PTRH2: variants seen among roughly 807,000 people sequenced by gnomAD.
PTRH2 encodes peptidyl-tRNA hydrolase 2, also known as peptidyl-tRNA hydrolase 2, mitochondrial.
PTRH2 carries 10 observed loss-of-function variants against 12.3 expected under a neutral mutation model. That is an observed-to-expected ratio of 0.81 (90% CI 0.50 to 1.38). The LOEUF (loss-of-function observed/expected upper bound fraction) is 1.38. PTRH2 is among the 40% of genes most tolerant of loss of function. The pLI is 0.00. For missense variants in PTRH2, 176 were observed against 214.1 expected, an observed-to-expected ratio of 0.82 and a Z score of 1.11; for synonymous variants, 73 against 77.4, an observed-to-expected ratio of 0.94 and a Z score of 0.30.
chr17:59,697,416 G>A lies in PTRH2; in HGVS notation c.*23C>T. On this transcript the variant is annotated 3_prime_UTR_variant, in exon 2 of 2. Transcript: ENST00000393038. ...GGCTTCAAACACTTGTGATGGAGGG[G>A]TTGTTGTCATATCAAAGTCCACCTA... 2.5e-6 allele frequency: 4 copies of A among 1,587,054 alleles called. No individual in the cohort carries two copies. Among genetic ancestry groups the A allele is most frequent in the Non-Finnish European group, 3.4e-6 (4 of 1,162,734 alleles).
chr17:59,705,923 A>G (rs886818499), intron 1 of PTRH2, among the ~76,000 whole-genome samples: 3 of 152,050 alleles, frequency 2.0e-5, no homozygotes, highest in African/African-American at 7.2e-5. Flanking sequence ...AAAAAAAAAA[A>G]ACCCAATAAG....
At chr17:59,702,523 G>A (rs947891251) in intron 1 of PTRH2, among the ~76,000 whole-genome samples, 23 of 152,130 alleles carry the variant, frequency 1.5e-4, no homozygotes, top group African/African-American at 4.1e-4. Context: ...CCTGCTGTGC[G>A]GCCCAGTTCC....
chr17:59,701,138 T>C (rs2033547668), intron 1 of PTRH2: 1 of 152,232 alleles, frequency 6.6e-6, no homozygotes, highest in Non-Finnish European at 1.5e-5. Flanking sequence ...CCTACTGAAA[T>C]GGTAGTTGGA....
chr17:59,702,866 T>C (rs1007268848), intron 1 of PTRH2, among the ~76,000 whole-genome samples: 1 of 152,196 alleles, frequency 6.6e-6, no homozygotes, highest in African/African-American at 2.4e-5. Flanking sequence ...ATTCAACGAA[T>C]TACATGAGAT....
chr17:59,707,189 T>C (rs563781671), intron 1 of PTRH2, 182 bp downstream of exon 1: 1 of 152,032 alleles, frequency 6.6e-6, no homozygotes, highest in Admixed American at 6.5e-5. Context: ...GTTCCTTTCC[T>C]CCAAAGGACG....
At chr17:59,705,036 C>T (rs970083587) in intron 1 of PTRH2, among the ~76,000 whole-genome samples, 11 of 152,182 alleles carry the variant, frequency 7.2e-5, no homozygotes, top group Non-Finnish European at 1.6e-4. Context: ...GATCTGCCTG[C>T]CTCAGCCTCC....
chr17:59,697,952 T>C lies in PTRH2; in HGVS notation c.27A>G (p.Glu9=), dbSNP rs1396515528. The C allele has an allele frequency of 6.2e-7, 1 of 1,613,366 alleles. No homozygotes were observed. Among genetic ancestry groups the C allele is most frequent in the South Asian group, 1.1e-5 (1 of 91,088 alleles). MPSKSLVM[E]YLAHPSTLGL... is the part of the protein sequence containing the mutation. ...CGAGTGTACTGGGATGAGCCAAATA[T>C]TCCATAACCAAGGATTTGGAGGGCA... is the stretch of plus-strand genomic sequence containing the variant. The change falls in exon 2 of 2, where the codon GAA becomes GAG. Residue 9 remains glutamate, a synonymous_variant. Coordinates refer to ENST00000393038, the MANE Select transcript of PTRH2 (RefSeq NM_016077.5).
At position 59,697,712 on chromosome 17, in the gene PTRH2, A is replaced by C; in HGVS notation, c.267T>G (p.Ala89=). 1.2e-6 allele frequency: 2 copies of C among 1,614,230 alleles called. No individual in the cohort carries two copies. Among genetic ancestry groups the C allele is most frequent in the Non-Finnish European group, 1.7e-6 (2 of 1,180,036 alleles). ...GAATCTGCTTGTAGGCTGAAACAGC[A>C]GCATGAGAGCACTGGGCAGCCACTT... ...KGKVAAQCSH[A]AVSAYKQIQR... Residue 89 remains alanine (A), a synonymous_variant, in exon 2 of 2, where the codon GCT becomes GCG. Transcript: ENST00000393038.
intron 1 of PTRH2, among the ~76,000 whole-genome samples, chr17:59,703,757 C>T (rs1228966423): frequency 6.6e-6 from 1 of 152,010 alleles, no homozygotes; most frequent in African/African-American, 2.4e-5. Context: ...CCAGCCACCT[C>T]GGCCTCCCAA....
chr17:59,706,591 G>T (rs541982507), intron 1 of PTRH2, among the ~76,000 whole-genome samples: 3 of 152,046 alleles, frequency 2.0e-5, no homozygotes, highest in Non-Finnish European at 4.4e-5. Flanking sequence ...CCAGAGTCTA[G>T]TATGGTGCCT....
intron 1 of PTRH2, chr17:59,698,185 CAGTTT>C: frequency 1.8e-6 from 1 of 564,796 alleles, no homozygotes; most frequent in East Asian, 2.9e-5. Context: ...CCACATGAAA[CAGTTT>C]AGGTCATTTT....
chr17:59,697,759 C>T lies in PTRH2; in HGVS notation c.220G>A (p.Asp74Asn). ...ACTTTCCCTTTTCCCATCTTTAAGT[C>T]ATTTCGAACCACAAGAATCATCTTG... ...EYKMILVVRNDLKMGKGKVAA... is the reference protein window; with the variant it reads ...EYKMILVVRNNLKMGKGKVAA... Residue 74 changes from aspartate (D) to asparagine (N), a missense_variant, in exon 2 of 2, where the codon GAC becomes AAC. By Grantham distance (23) the Asp-to-Asn change is conservative. Transcript: ENST00000393038. 6.2e-7 allele frequency: 1 copy of T among 1,614,164 alleles called. No individual in the cohort carries two copies. Among genetic ancestry groups the T allele is most frequent in the African/African-American group, 1.3e-5 (1 of 75,038 alleles).
At chr17:59,698,941 T>A (rs909521624) in intron 1 of PTRH2, 22 of 712,538 alleles carry the variant, frequency 3.1e-5, no homozygotes, top group Non-Finnish European at 4.7e-5. Flanking sequence ...AATTAATTGC[T>A]GGATGATGGG....
rs573168821 is a variant in PTRH2, at chr17:59,697,930, G to A, written c.49C>T (p.Leu17Phe). The change falls in exon 2 of 2, where the codon CTC (leucine) becomes TTC (phenylalanine). Residue 17 changes from leucine (L) to phenylalanine (F), a missense_variant. Transcript: ENST00000393038. ...CAAGCAACTCCAACAGCCAAGCCGA[G>A]TGTACTGGGATGAGCCAAATATTCC... is the stretch of plus-strand genomic sequence containing the variant. The part of the protein sequence containing the change: ...VMEYLAHPST[L>F]GLAVGVACGM... The A allele has an allele frequency of 2.2e-5, 36 of 1,613,946 alleles. No homozygotes were observed. Among genetic ancestry groups the A allele is most frequent in the South Asian group, 1.9e-4 (17 of 91,082 alleles).
Position 59,698,118 on chromosome 17 carries a change from A to T in PTRH2, c.1-140T>A. Reference sequence around the variant, plus strand: ...AACACACCTTTGATCTTATGCCTGCACCCTGTTTCCAACACCCTCTTGCCC... The same window carrying T: ...AACACACCTTTGATCTTATGCCTGCTCCCTGTTTCCAACACCCTCTTGCCC... On this transcript the variant is annotated intron_variant, in intron 1 of 1. Coordinates refer to ENST00000393038, the MANE Select transcript of PTRH2 (RefSeq NM_016077.5). The T allele has an allele frequency of 4.8e-6, 4 of 827,096 alleles. No homozygotes were observed. The South Asian group carries it at 7.4e-5, about 15-fold the overall frequency. 51.2% of individuals were successfully genotyped at this position (827,096 alleles called of 1,614,324 possible).
At position 59,697,465 on chromosome 17, in the gene PTRH2, CT is replaced by C. The variant is rs758976674; in HGVS notation, c.513del (p.Val172SerfsTer5). The C allele has an allele frequency of 6.2e-7, 1 of 1,612,260 alleles. No individual in the cohort carries two copies. The highest frequency in any genetic ancestry group is 1.1e-5 in the South Asian group (1 of 91,024). ...TAGTAAAGTTTTAGGTGACCAGTGA[CT>C]TTGTCAATTAGGTCTGCTGGTCCTG... ...IGPGPADLID[K>X]VTGHLKLY On this transcript the variant is annotated frameshift_variant, in exon 2 of 2. Transcript: ENST00000393038. LOFTEE classifies it high-confidence loss of function.
At chr17:59,699,645 G>C (rs2033520302) in intron 1 of PTRH2, 1 of 152,658 alleles carries the variant, frequency 6.6e-6, no homozygotes, top group Non-Finnish European at 1.5e-5. Flanking sequence ...ATCATCAATT[G>C]GTCCAGCCCT....
intron 1 of PTRH2, 70 bp from the exon 2 acceptor site, chr17:59,698,048 A>G: frequency 6.9e-7 from 1 of 1,458,192 alleles, no homozygotes; most frequent in South Asian, 1.3e-5. Context: ...CTTATCAGAG[A>G]AACATTTTGA....
chr17:59,703,069 C>T (rs559586826), intron 1 of PTRH2, among the ~76,000 whole-genome samples: 5 of 152,112 alleles, frequency 3.3e-5, no homozygotes, highest in Non-Finnish European at 7.4e-5. Context: ...GGCTGGAATA[C>T]AGTGGAGTGA....
Sources: gnomAD v4.1 joint callset for allele counts (sites outside exome capture counted in the v4.1 genomes callset) on GRCh38, gnomAD v4.1.1 for gene constraint, MANE v1.5 for transcripts, NCBI Gene and HGNC (gene_info 2026-07-23, HGNC 2026-07-21) for gene names.